SLC35F1: variants seen among roughly 807,000 people sequenced by gnomAD.
The protein encoded by SLC35F1 is chromosome 6 open reading frame 169.
A neutral mutation model predicts 48.7 loss-of-function variants in SLC35F1; 14 were observed. That is an observed-to-expected ratio of 0.29 (90% CI 0.19 to 0.45). The LOEUF (loss-of-function observed/expected upper bound fraction) is 0.45, where lower values mean the gene tolerates loss of function less well. Among genes scored for constraint, SLC35F1 ranks in the 20% least tolerant of loss-of-function variants. The pLI is 1.00. For missense variants in SLC35F1, 404 were observed against 500.0 expected (o/e 0.81, Z 1.83); for synonymous variants, 190 against 202.2 (o/e 0.94, Z 0.51).
chr6:118,040,877 A>G lies in SLC35F1; in HGVS notation c.174-113568A>G, dbSNP rs546990754. ...CCTAACCCCCAAACCTAAACTTTAGACACAATTGTATAAAAGAGGGAACCC... is the reference window on the plus strand; with the variant it reads ...CCTAACCCCCAAACCTAAACTTTAGGCACAATTGTATAAAAGAGGGAACCC... On this transcript the variant is annotated intron_variant, in intron 1 of 7. Transcript: ENST00000360388. Among the ~76,000 whole-genome samples, 4 of 148,994 alleles carry G rather than the reference A, an allele frequency of 2.7e-5. No individual in the cohort carries two copies. In the East Asian group the frequency reaches 8.0e-4, roughly 30 times the overall value.
At chr6:117,966,192 C>A (rs1487132560) in intron 1 of SLC35F1, among the ~76,000 whole-genome samples, 1 of 146,134 alleles carries the variant, frequency 6.8e-6, no homozygotes, top group Non-Finnish European at 1.5e-5. Flanking sequence ...GGTCCCTGTC[C>A]ATGCTGTGGA....
intron 2 of SLC35F1, among the ~76,000 whole-genome samples, chr6:118,222,387 C>A (rs1775162962): frequency 6.6e-6 from 1 of 151,476 alleles, no homozygotes; most frequent in African/African-American, 2.4e-5. Flanking sequence ...AAGACTTGAT[C>A]AAATTTAGGT....
intron 7 of SLC35F1, among the ~76,000 whole-genome samples, chr6:118,302,073 CT>C (rs1385646580): frequency 2.6e-5 from 4 of 151,866 alleles, no homozygotes; most frequent in Admixed American, 6.6e-5. Context: ...TGTCTGCCCC[CT>C]ATTTGAGTTC....
intron 3 of SLC35F1, among the ~76,000 whole-genome samples, chr6:118,260,304 T>C (rs927912231): frequency 9.9e-5 from 15 of 152,254 alleles, no homozygotes; most frequent in African/African-American, 3.1e-4. Flanking sequence ...ATAGTAGTGA[T>C]GGCTGTACAA....
intron 1 of SLC35F1, among the ~76,000 whole-genome samples, chr6:117,951,724 A>G (rs564917004): frequency 6.6e-6 from 1 of 152,342 alleles, no homozygotes; most frequent in Non-Finnish European, 1.5e-5. Context: ...CTGGGGAAAG[A>G]GCCCTGTGCA....
At chr6:118,087,073 A>G (rs1773002353) in intron 1 of SLC35F1, among the ~76,000 whole-genome samples, 2 of 152,036 alleles carry the variant, frequency 1.3e-5, no homozygotes, top group Non-Finnish European at 2.9e-5. Context: ...ATGCTGCCCT[A>G]ACAGCATGCC....
intron 4 of SLC35F1, among the ~76,000 whole-genome samples, chr6:118,272,615 G>GA (rs1368183802): frequency 6.6e-6 from 1 of 151,228 alleles, no homozygotes; most frequent in East Asian, 1.9e-4. Flanking sequence ...TAATAGGTAA[G>GA]AAAAAACAGC....
chr6:118,088,523 C>G (rs1773025048), intron 1 of SLC35F1, among the ~76,000 whole-genome samples: 1 of 152,190 alleles, frequency 6.6e-6, no homozygotes, highest in Non-Finnish European at 1.5e-5. Context: ...CCTTTTACCT[C>G]ATCCACAGAG....
intron 1 of SLC35F1, among the ~76,000 whole-genome samples, chr6:118,003,137 T>C (rs1178544533): frequency 6.6e-6 from 1 of 152,194 alleles, no homozygotes; most frequent in Non-Finnish European, 1.5e-5. Flanking sequence ...AAAGGTTTAG[T>C]TATAAAATAT....
intron 7 of SLC35F1, among the ~76,000 whole-genome samples, chr6:118,288,274 C>T (rs1333781057): frequency 6.6e-6 from 1 of 152,086 alleles, no homozygotes; most frequent in Non-Finnish European, 1.5e-5. Context: ...TTTATTTTGG[C>T]AAGGTTAAGG....
rs1378547871 is a variant in SLC35F1, at chr6:117,966,135, C to A, written c.173+58236C>A. Among the ~76,000 whole-genome samples the A allele has an allele frequency of 2.5e-4, 15 of 60,750 alleles. 1 individual carries two copies. Among genetic ancestry groups the A allele is most frequent in the Admixed American group, 6.8e-4 (4 of 5,862 alleles). 39.9% of individuals were successfully genotyped at this position (60,750 alleles called of 152,430 possible). A position where few individuals can be genotyped will look rare whatever the true frequency, so the allele number is the denominator to read the frequency against. On this transcript the variant is annotated intron_variant, in intron 1 of 7. Coordinates refer to ENST00000360388, the MANE Select transcript of SLC35F1 (RefSeq NM_001029858.4). ...AGGGAATAAAAGCAGGCCACCGCCC[C>A]CCCCCCCACTCCCGCCCCGCCCCAA...
At chr6:117,961,999 G>C (rs764118168) in intron 1 of SLC35F1, among the ~76,000 whole-genome samples, 48 of 152,202 alleles carry the variant, frequency 3.2e-4, no homozygotes, top group Non-Finnish European at 6.0e-4. Flanking sequence ...TTATTCATGT[G>C]TGTGAGGACC....
intron 7 of SLC35F1, among the ~76,000 whole-genome samples, chr6:118,306,016 C>A (rs552487307): frequency 6.6e-6 from 1 of 152,172 alleles, no homozygotes; most frequent in South Asian, 2.1e-4. Flanking sequence ...CTAAGAGATG[C>A]CCTAAAGGAC....
chr6:117,923,510 C>CACAA (rs1266913919), intron 1 of SLC35F1, among the ~76,000 whole-genome samples: 2 of 141,314 alleles, frequency 1.4e-5, no homozygotes, highest in African/African-American at 2.6e-5. Flanking sequence ...TATATATACA[C>CACAA]ATACATGTGT....
intron 1 of SLC35F1, among the ~76,000 whole-genome samples, chr6:118,002,624 G>T (rs1372961586): frequency 6.6e-6 from 1 of 151,872 alleles, no homozygotes; most frequent in Non-Finnish European, 1.5e-5. Flanking sequence ...TTTAAAAAAA[G>T]AAGATAAAAA....
chr6:118,105,511 C>T (rs1240081962), intron 1 of SLC35F1, among the ~76,000 whole-genome samples: 1 of 152,252 alleles, frequency 6.6e-6, no homozygotes, highest in African/African-American at 2.4e-5. Flanking sequence ...ACCACTCACA[C>T]CGTGGTCATT....
chr6:118,220,291 A>G (rs139837474), intron 2 of SLC35F1, among the ~76,000 whole-genome samples: 34 of 152,300 alleles, frequency 2.2e-4, no homozygotes, highest in African/African-American at 7.5e-4. Flanking sequence ...GGAAAAGTCA[A>G]TGTGGGTCAA....
chr6:118,085,077 T>A (rs1156336368), intron 1 of SLC35F1, among the ~76,000 whole-genome samples: 1 of 143,536 alleles, frequency 7.0e-6, no homozygotes, highest in African/African-American at 2.5e-5. Flanking sequence ...GGCCAAGCAG[T>A]TAGAACGGGA....
chr6:118,016,164 C>T (rs1777318356), intron 1 of SLC35F1, among the ~76,000 whole-genome samples: 1 of 152,148 alleles, frequency 6.6e-6, no homozygotes, highest in African/African-American at 2.4e-5. Flanking sequence ...TTTGCTGTTT[C>T]CCACACCTTC....
Sources: gnomAD v4.1 joint callset for allele counts (sites outside exome capture counted in the v4.1 genomes callset) on GRCh38, gnomAD v4.1.1 for gene constraint, MANE v1.5 for transcripts, NCBI Gene and HGNC (gene_info 2026-07-23, HGNC 2026-07-21) for gene names.